INPP4B: variants seen among roughly 807,000 people sequenced by gnomAD.
The protein encoded by INPP4B is inositol polyphosphate 4-phosphatase type II.
INPP4B carries 55 observed loss-of-function variants against 122.5 expected under a neutral mutation model. The ratio of observed to expected loss-of-function variants is 0.45; its 90% confidence interval spans 0.36 to 0.56. The LOEUF is 0.56. Among genes scored for constraint, INPP4B ranks in the 20% least tolerant of loss-of-function variants. The probability of loss-of-function intolerance (pLI) is 0.00; values close to 1 mark genes in which losing one functional copy is unlikely to be tolerated. For missense variants in INPP4B, 1,000 were observed against 1,097.7 expected (o/e 0.91, Z 1.26); for synonymous variants, 403 against 388.7 (o/e 1.04, Z -0.43).
chr4:142,357,998 A>C (rs1156297489), intron 7 of INPP4B, among the ~76,000 whole-genome samples: 1 of 152,174 alleles, frequency 6.6e-6, no homozygotes, highest in Non-Finnish European at 1.5e-5. Flanking sequence ...AAGTAAAACT[A>C]ATGTGAATAT....
chr4:142,620,261 C>T (rs887358159), intron 2 of INPP4B, among the ~76,000 whole-genome samples: 2 of 151,946 alleles, frequency 1.3e-5, no homozygotes, highest in Admixed American at 1.3e-4. Context: ...CCTAAATGCC[C>T]ATCAACTGTG....
chr4:142,446,766 G>A (rs986427475), intron 3 of INPP4B, among the ~76,000 whole-genome samples: 3 of 152,172 alleles, frequency 2.0e-5, no homozygotes, highest in Non-Finnish European at 4.4e-5. Flanking sequence ...CAGACAGAGA[G>A]AGAGACGATG....
At chr4:142,705,294 CT>C (rs1483930238) in intron 2 of INPP4B, among the ~76,000 whole-genome samples, 1 of 152,146 alleles carries the variant, frequency 6.6e-6, no homozygotes, top group Non-Finnish European at 1.5e-5. Context: ...CTTGCGTGGG[CT>C]TTCAATCCTG....
At chr4:142,266,448 A>C (rs970458220) in intron 10 of INPP4B, among the ~76,000 whole-genome samples, 2 of 152,174 alleles carry the variant, frequency 1.3e-5, no homozygotes, top group Non-Finnish European at 2.9e-5. Context: ...AAAAAGAAAA[A>C]AAAATTGAAA....
At chr4:142,239,432 G>T (rs1167657017) in intron 11 of INPP4B, among the ~76,000 whole-genome samples, 3 of 152,024 alleles carry the variant, frequency 2.0e-5, no homozygotes, top group Non-Finnish European at 2.9e-5. Flanking sequence ...TGCTCCCAAA[G>T]ATTATCTTTT....
At chr4:142,148,544 C>T (rs373136046) in intron 17 of INPP4B, among the ~76,000 whole-genome samples, 6 of 151,924 alleles carry the variant, frequency 3.9e-5, no homozygotes, top group African/African-American at 9.7e-5. Flanking sequence ...AAGATCAAGT[C>T]GCGTTGCATG....
chr4:142,760,163 A>C (rs2150971077), intron 1 of INPP4B, among the ~76,000 whole-genome samples: 1 of 152,240 alleles, frequency 6.6e-6, no homozygotes, highest in East Asian at 1.9e-4. Context: ...ATATCCAGAA[A>C]CCTACATTTC....
intron 2 of INPP4B, among the ~76,000 whole-genome samples, chr4:142,653,130 C>A (rs1462868657): frequency 2.0e-5 from 3 of 152,048 alleles, no homozygotes; most frequent in South Asian, 2.1e-4. Flanking sequence ...GGGAAAGGAT[C>A]CCCTATTAAT....
intron 1 of INPP4B, among the ~76,000 whole-genome samples, chr4:142,798,616 G>A (rs1214750534): frequency 6.6e-6 from 1 of 151,774 alleles, no homozygotes; most frequent in Non-Finnish European, 1.5e-5. Flanking sequence ...CATCAAAAGT[G>A]ATGCAGATAC....
intron 25 of INPP4B, among the ~76,000 whole-genome samples, chr4:142,052,822 A>T (rs1330849095): frequency 1.3e-5 from 2 of 152,030 alleles, no homozygotes; most frequent in African/African-American, 2.4e-5. Flanking sequence ...ACTCTCTATA[A>T]GCCCACAGTC....
At chr4:142,051,511 T>C (rs113657219) in intron 25 of INPP4B, among the ~76,000 whole-genome samples, 2 of 152,152 alleles carry the variant, frequency 1.3e-5, no homozygotes, top group African/African-American at 4.8e-5. Context: ...TATAATTATG[T>C]TTTTGAAATG....
At chr4:142,734,624 T>C (rs1384658920) in intron 1 of INPP4B, among the ~76,000 whole-genome samples, 6 of 151,974 alleles carry the variant, frequency 3.9e-5, no homozygotes, top group African/African-American at 9.7e-5. Flanking sequence ...CCTTAAAAAA[T>C]GGGCACTATT....
chr4:142,113,155 G>T (rs1383415285), intron 21 of INPP4B, among the ~76,000 whole-genome samples: 2 of 151,962 alleles, frequency 1.3e-5, no homozygotes, highest in Non-Finnish European at 2.9e-5. Context: ...TGATGGAAAG[G>T]TAATGGTTTT....
chr4:142,267,814 A>G (rs1267750393), intron 10 of INPP4B, among the ~76,000 whole-genome samples: 1 of 152,152 alleles, frequency 6.6e-6, no homozygotes, highest in Non-Finnish European at 1.5e-5. Context: ...CATACACCTG[A>G]TAAGGAGCTA....
At chr4:142,405,804 T>C (rs923511143) in intron 5 of INPP4B, among the ~76,000 whole-genome samples, 14 of 151,970 alleles carry the variant, frequency 9.2e-5, no homozygotes, top group Admixed American at 6.6e-4. Flanking sequence ...CCCACAGTAA[T>C]ACACACCAAC....
intron 3 of INPP4B, among the ~76,000 whole-genome samples, chr4:142,436,188 C>T (rs1810468642): frequency 6.6e-6 from 1 of 152,200 alleles, no homozygotes; most frequent in African/African-American, 2.4e-5. Flanking sequence ...TCCCTCCTCA[C>T]TGGGCGAGGC....
At chr4:142,628,014 T>A (rs973561839) in intron 2 of INPP4B, among the ~76,000 whole-genome samples, 13 of 152,134 alleles carry the variant, frequency 8.5e-5, no homozygotes, top group African/African-American at 3.1e-4. Flanking sequence ...TATCCATTTC[T>A]TCTAGATTTT....
intron 3 of INPP4B, among the ~76,000 whole-genome samples, chr4:142,452,227 A>G (rs925101477): frequency 5.3e-5 from 8 of 152,160 alleles, no homozygotes; most frequent in African/African-American, 1.4e-4. Context: ...AGCAAAGGAC[A>G]TGAACTCATC....
At chr4:142,390,458 GT>G (rs1797304062) in intron 7 of INPP4B, among the ~76,000 whole-genome samples, 1 of 152,074 alleles carries the variant, frequency 6.6e-6, no homozygotes, top group South Asian at 2.1e-4. Context: ...AGTATCAAGT[GT>G]TTTAAACCTT....
Sources: allele counts gnomAD v4.1 joint callset (sites outside exome capture counted in the v4.1 genomes callset), GRCh38; gene constraint gnomAD v4.1.1; transcripts MANE v1.5; gene names NCBI Gene and HGNC (gene_info 2026-07-23, HGNC 2026-07-21).